The following FAM168B variants were observed in gnomAD, a reference collection of about 807,000 sequenced individuals.
FAM168B encodes family with sequence similarity 168 member B, also known as myelin-associated neurite-outgrowth inhibitor.
In FAM168B, 19 loss-of-function variants were observed where a neutral mutation model predicts 21.8. That is an observed-to-expected ratio of 0.87 (90% CI 0.61 to 1.28). The LOEUF (loss-of-function observed/expected upper bound fraction) is 1.28. Among genes scored for constraint, FAM168B ranks in the 50% most tolerant of loss-of-function variants. The pLI is 0.00. For synonymous variants in FAM168B, 126 were observed against 104.8 expected, an observed-to-expected ratio of 1.20 and a Z score of -1.24; for missense variants, 233 against 263.1, an observed-to-expected ratio of 0.89 and a Z score of 0.79.
Position 131,049,643 on chromosome 2 carries a change from A to C in FAM168B, c.*2822T>G. Reference sequence around the variant, plus strand: ...GCCTCAGGGGAGAAGGTGTAGAACAAATATTTTTTAAATAGCCATCATGAT... The same window carrying C: ...GCCTCAGGGGAGAAGGTGTAGAACACATATTTTTTAAATAGCCATCATGAT... On this transcript the variant is annotated 3_prime_UTR_variant, in exon 7 of 7. Transcript: ENST00000389915. The C allele has an allele frequency of 2.0e-6, 2 of 985,672 alleles. No individual in the cohort carries two copies. The highest frequency in any genetic ancestry group is 2.4e-6 in the Non-Finnish European group (2 of 829,934). The allele number at this position is 985,672 out of a possible 1,614,324, so 61.1% of individuals were successfully genotyped here.
At chr2:131,089,942 G>A (rs966005561) in intron 1 of FAM168B, among the ~76,000 whole-genome samples, 2 of 151,834 alleles carry the variant, frequency 1.3e-5, no homozygotes, top group Non-Finnish European at 2.9e-5. Context: ...CGAGGCAGGA[G>A]AATCACTTGA....
At chr2:131,064,276 T>A (rs1250432510) in intron 3 of FAM168B, among the ~76,000 whole-genome samples, 3 of 152,206 alleles carry the variant, frequency 2.0e-5, no homozygotes, top group East Asian at 1.9e-4. Context: ...CGGATTTTTT[T>A]ATAATAATTT....
intron 2 of FAM168B, among the ~76,000 whole-genome samples, chr2:131,082,206 CA>C (rs1380617951): frequency 6.6e-6 from 1 of 152,210 alleles, no homozygotes; most frequent in Non-Finnish European, 1.5e-5. Flanking sequence ...GAATAGAGAA[CA>C]AGCAGTCCCA....
At chr2:131,065,894 A>C (rs1692532628) in intron 3 of FAM168B, among the ~76,000 whole-genome samples, 1 of 152,158 alleles carries the variant, frequency 6.6e-6, no homozygotes, top group Admixed American at 6.5e-5. Context: ...CCAAAACCAG[A>C]TAAACACTGT....
chr2:131,077,084 T>C (rs933311563), intron 2 of FAM168B, among the ~76,000 whole-genome samples: 2 of 151,626 alleles, frequency 1.3e-5, no homozygotes, highest in African/African-American at 2.4e-5. Context: ...CACACAAACA[T>C]AGGGCTGTTC....
At chr2:131,066,737 C>T (rs1361656902) in intron 3 of FAM168B, among the ~76,000 whole-genome samples, 1 of 152,146 alleles carries the variant, frequency 6.6e-6, no homozygotes, top group South Asian at 2.1e-4. Context: ...TATTCCAATG[C>T]CAAGGGTGAA....
chr2:131,077,209 A>AT (rs755840096), intron 2 of FAM168B, among the ~76,000 whole-genome samples: 1 of 139,802 alleles, frequency 7.2e-6, no homozygotes, highest in African/African-American at 3.0e-5. Context: ...ACGCTATTAC[A>AT]TTTAAAAAAA....
At chr2:131,072,058 A>T (rs1335869507) in intron 2 of FAM168B, 120 bp from the exon 3 acceptor site, 6 of 806,710 alleles carry the variant, frequency 7.4e-6, no homozygotes, top group Non-Finnish European at 1.2e-5. Flanking sequence ...AAGCAGCCCC[A>T]AGAGCACTAT....
At chr2:131,065,326 T>G (rs1410857619) in intron 3 of FAM168B, among the ~76,000 whole-genome samples, 1 of 152,124 alleles carries the variant, frequency 6.6e-6, no homozygotes, top group Non-Finnish European at 1.5e-5. Flanking sequence ...CACTGCAATC[T>G]TTTACCTCTA....
chr2:131,048,632 A>G lies in FAM168B; in HGVS notation c.*3833T>C. ...GGTCAGTTGAGCCCCTGGAGCCCTCAGGACCTACTGATAAAGCATGTCCTC... is the reference window on the plus strand; with the variant it reads ...GGTCAGTTGAGCCCCTGGAGCCCTCGGGACCTACTGATAAAGCATGTCCTC... On this transcript the variant is annotated 3_prime_UTR_variant, in exon 7 of 7. Transcript: ENST00000389915. 9.5e-7 allele frequency: 1 copy of G among 1,056,554 alleles called. No individual in the cohort carries two copies. Among genetic ancestry groups the G allele is most frequent in the Non-Finnish European group, 1.1e-6 (1 of 870,578 alleles). The allele number at this position is 1,056,554 out of a possible 1,614,324, so 65.4% of individuals were successfully genotyped here.
In FAM168B at chr2:131,049,792, A is replaced by G. The variant is rs1356335038; in HGVS notation, c.*2673T>C. ...ACACACAAAAAGCAAATTTCTCAGA[A>G]TGCTCCACCATATGCTTCGGGACAA... On this transcript the variant is annotated 3_prime_UTR_variant, in exon 7 of 7. Transcript: ENST00000389915. 23 of 985,748 alleles carry G rather than the reference A, an allele frequency of 2.3e-5. No homozygotes were observed. The Admixed American group carries it at 1.4e-3, about 61-fold the overall frequency. 61.1% of individuals were successfully genotyped at this position (985,748 alleles called of 1,614,324 possible).
intron 2 of FAM168B, among the ~76,000 whole-genome samples, chr2:131,081,813 T>C (rs1289886738): frequency 1.3e-5 from 2 of 152,342 alleles, no homozygotes; most frequent in East Asian, 1.9e-4. Flanking sequence ...GGCCTTCACA[T>C]TTGACCCCAG....
chr2:131,049,078 C>T lies in FAM168B; in HGVS notation c.*3387G>A. 1 of 985,484 alleles carries T rather than the reference C, an allele frequency of 1.0e-6. No individual in the cohort carries two copies. Among genetic ancestry groups the T allele is most frequent in the Non-Finnish European group, 1.2e-6 (1 of 829,946 alleles). The allele number at this position is 985,484 out of a possible 1,614,324, so 61.0% of individuals were successfully genotyped here. On this transcript the variant is annotated 3_prime_UTR_variant, in exon 7 of 7. Transcript: ENST00000389915. Reference sequence around the variant, plus strand: ...CATGTTGGCCTTTCACCAGCACTCACTGGCACTCACAGGTGCCTTACATAC... The same window carrying T: ...CATGTTGGCCTTTCACCAGCACTCATTGGCACTCACAGGTGCCTTACATAC...
Position 131,055,458 on chromosome 2 carries a change from A to C in FAM168B, c.298-9T>G. 6.2e-7 allele frequency: 1 copy of C among 1,605,784 alleles called. No individual in the cohort carries two copies. The highest frequency in any genetic ancestry group is 1.8e-5 in the Admixed American group (1 of 56,768). ...GTGTAGTACGTGCCTTGCTGTGGGG[A>C]GAAGAGAGACAACTGACACAGGGTC... On this transcript the variant is annotated splice_polypyrimidine_tract_variant and intron_variant, in intron 4 of 6. Transcript: ENST00000389915.
chr2:131,069,532 C>T (rs537272614), intron 3 of FAM168B, among the ~76,000 whole-genome samples: 7 of 151,780 alleles, frequency 4.6e-5, no homozygotes, highest in South Asian at 2.1e-4. Flanking sequence ...CCTGCTCTGT[C>T]GCTCAGGCTG....
intron 2 of FAM168B, among the ~76,000 whole-genome samples, chr2:131,080,853 T>C (rs769360248): frequency 6.6e-6 from 1 of 151,654 alleles, no homozygotes; most frequent in Non-Finnish European, 1.5e-5. Context: ...TTTGTATTTT[T>C]AGTAGAGACG....
intron 2 of FAM168B, among the ~76,000 whole-genome samples, chr2:131,078,670 G>A (rs767740013): frequency 2.0e-5 from 3 of 152,130 alleles, no homozygotes; most frequent in Non-Finnish European, 4.4e-5. Flanking sequence ...GAAATGTAGA[G>A]AAGAAACATG....
At chr2:131,054,537 T>C (rs965234657) in intron 5 of FAM168B, among the ~76,000 whole-genome samples, 1 of 152,222 alleles carries the variant, frequency 6.6e-6, no homozygotes, top group African/African-American at 2.4e-5. Context: ...CTCTCTGGCA[T>C]AATTTCCTTA....
intron 1 of FAM168B, among the ~76,000 whole-genome samples, chr2:131,083,010 C>T (rs1424957664): frequency 6.6e-6 from 1 of 152,080 alleles, no homozygotes. Flanking sequence ...CACCTGAGGT[C>T]AGGAGTTTGA....
Sources: allele counts gnomAD v4.1 joint callset (sites outside exome capture counted in the v4.1 genomes callset), GRCh38; gene constraint gnomAD v4.1.1; transcripts MANE v1.5; gene names NCBI Gene and HGNC (gene_info 2026-07-23, HGNC 2026-07-21).